AGBL1: variants seen among roughly 807,000 people sequenced by gnomAD.
AGBL1 encodes the protein AGBL carboxypeptidase 1, also known as cytosolic carboxypeptidase 4.
A neutral mutation model predicts 118.9 loss-of-function variants in AGBL1; 130 were observed. The observed-to-expected ratio is 1.09, with a 90% CI of 0.95 to 1.26. The LOEUF (loss-of-function observed/expected upper bound fraction) is 1.26, where lower values mean the gene tolerates loss of function less well. Among genes scored for constraint, AGBL1 ranks in the 50% most tolerant of loss-of-function variants. The pLI is 0.00. For synonymous variants in AGBL1, 555 were observed against 478.9 expected, an observed-to-expected ratio of 1.16 and a Z score of -2.08; for missense variants, 1,584 against 1,298.1, an observed-to-expected ratio of 1.22 and a Z score of -3.38.
chr15:86,152,716 G>A (rs965344277), intron 3 of AGBL1, among the ~76,000 whole-genome samples: 2 of 152,194 alleles, frequency 1.3e-5, no homozygotes, highest in African/African-American at 4.8e-5. Context: ...ACTACCATCA[G>A]AGTGAACAGG....
chr15:86,155,716 A>G (rs1271737726), intron 4 of AGBL1, among the ~76,000 whole-genome samples: 1 of 152,098 alleles, frequency 6.6e-6, no homozygotes, highest in Admixed American at 6.5e-5. Context: ...AGAGCCAAAA[A>G]GACCTGAGTT....
At chr15:86,404,286 C>A (rs962489645) in intron 18 of AGBL1, among the ~76,000 whole-genome samples, 2 of 152,160 alleles carry the variant, frequency 1.3e-5, no homozygotes, top group African/African-American at 4.8e-5. Flanking sequence ...TCTACCTTGA[C>A]TTTCCAGCTT....
rs762982996 is a variant in AGBL1, at chr15:86,143,808, G to A, written c.225G>A (p.Leu75=). ...CTCCTCCAGACTATGACATCCTCCT[G>A]CCTCTCTTCCGGCTGCTGGCCAAAG... The part of the protein sequence containing the change: ...RTAPPDYDIL[L]PLFRLLAKVG... Residue 75 remains leucine, a synonymous_variant, in exon 3 of 23, where the codon CTG becomes CTA. Coordinates refer to ENST00000614907, the MANE Select transcript of AGBL1 (RefSeq NM_001386094.1). 1.9e-6 allele frequency: 3 copies of A among 1,613,704 alleles called. No homozygotes were observed. Among genetic ancestry groups the A allele is most frequent in the African/African-American group, 2.7e-5 (2 of 74,912 alleles).
intron 22 of AGBL1, among the ~76,000 whole-genome samples, chr15:86,827,461 A>G (rs1346488729): frequency 1.9e-4 from 2 of 10,558 alleles, no homozygotes; most frequent in African/African-American, 8.5e-4. Context: ...ATATATATAT[A>G]TATATATACA....
At position 86,615,763 on chromosome 15, in the gene AGBL1, TA is replaced by T. The variant is rs1484715036; in HGVS notation, c.2995-58504del. On this transcript the variant is annotated intron_variant, in intron 21 of 22. Transcript: ENST00000614907. This position sits in a 1 kb window ranked among gnomAD's most constrained non-coding sequence, Gnocchi z 4.3. The stretch of plus-strand genomic sequence containing the variant: ...TGAGTTTTATATTGTGGACAGAGGT[TA>T]AAAAATAGATTTAAAAGTCAACAAC... 2.6e-5 allele frequency among the ~76,000 whole-genome samples: 4 copies of T among 152,156 alleles called. No individual in the cohort carries two copies. The highest frequency in any genetic ancestry group is 7.2e-5 in the African/African-American group (3 of 41,432).
chr15:86,818,398 T>C (rs771433520), intron 22 of AGBL1, among the ~76,000 whole-genome samples: 2 of 152,146 alleles, frequency 1.3e-5, no homozygotes, highest in South Asian at 2.1e-4. Flanking sequence ...GCAAACCCTA[T>C]TGTGAACTGC....
intron 22 of AGBL1, among the ~76,000 whole-genome samples, chr15:86,871,657 T>C (rs1205395207): frequency 2.0e-5 from 3 of 152,098 alleles, no homozygotes; most frequent in Non-Finnish European, 4.4e-5. Context: ...GTTGGATGCT[T>C]TGGTTCATCT....
intron 22 of AGBL1, among the ~76,000 whole-genome samples, chr15:86,756,144 T>C (rs2077935714): frequency 6.7e-6 from 1 of 149,742 alleles, no homozygotes; most frequent in Non-Finnish European, 1.5e-5. Context: ...AATATTAGCA[T>C]TTGATGCCAG....
chr15:86,143,345 C>T (rs191860044), intron 2 of AGBL1, among the ~76,000 whole-genome samples: 1 of 152,302 alleles, frequency 6.6e-6, no homozygotes, highest in Non-Finnish European at 1.5e-5. Flanking sequence ...CTGATATTCT[C>T]TCTTCTAAGT....
Position 86,270,009 on chromosome 15 carries a change from C to G in AGBL1, c.1929C>G (p.Ala643=). 1.9e-6 allele frequency: 3 copies of G among 1,613,492 alleles called. No individual in the cohort carries two copies. Among genetic ancestry groups the G allele is most frequent in the Non-Finnish European group, 2.5e-6 (3 of 1,179,696 alleles). ...FYFKVSGMQA[A]IPYHFNIINC... is the part of the protein sequence containing the mutation. ...TCAAAGTGAGCGGTATGCAGGCGGC[C>G]ATCCCTTACCACTTCAACATCATCA... Residue 643 remains alanine (A), a synonymous_variant, in exon 14 of 23, where the codon GCC becomes GCG. Coordinates refer to ENST00000614907, the MANE Select transcript of AGBL1 (RefSeq NM_001386094.1).
intron 22 of AGBL1, among the ~76,000 whole-genome samples, chr15:86,902,832 A>G (rs2080229717): frequency 6.6e-6 from 1 of 152,042 alleles, no homozygotes; most frequent in Non-Finnish European, 1.5e-5. Context: ...AGCTTTCAAG[A>G]TTTTAAGTTT....
intron 21 of AGBL1, among the ~76,000 whole-genome samples, chr15:86,654,174 G>A (rs570185893): frequency 2.6e-4 from 40 of 152,144 alleles, no homozygotes; most frequent in Non-Finnish European, 5.0e-4. Flanking sequence ...AGTGAAAAAG[G>A]GGTAGAAAAA....
chr15:86,104,509 G>C (rs570376925), intron 1 of AGBL1, among the ~76,000 whole-genome samples: 1 of 152,202 alleles, frequency 6.6e-6, no homozygotes, highest in Non-Finnish European at 1.5e-5. Flanking sequence ...CTTTGGCCCT[G>C]GGTGCAGCAG....
intron 22 of AGBL1, among the ~76,000 whole-genome samples, chr15:86,818,064 C>G: frequency 6.6e-6 from 1 of 151,988 alleles, no homozygotes; most frequent in East Asian, 2.0e-4. Flanking sequence ...GCTACCACCT[C>G]AAGCTATTAA....
chr15:86,836,566 T>C (rs1471131523), intron 22 of AGBL1, among the ~76,000 whole-genome samples: 1 of 151,880 alleles, frequency 6.6e-6, no homozygotes, highest in Non-Finnish European at 1.5e-5. Flanking sequence ...CTTTAAGGAG[T>C]CTAGTTATAT....
At chr15:86,893,551 CAAAG>C (rs779804564) in intron 22 of AGBL1, among the ~76,000 whole-genome samples, 6 of 151,998 alleles carry the variant, frequency 3.9e-5, no homozygotes, top group South Asian at 2.1e-4. Context: ...AAAATCAAAA[CAAAG>C]AAACTCTATC....
intron 24 of AGBL1, among the ~76,000 whole-genome samples, chr15:87,004,663 C>G (rs991001681): frequency 6.6e-6 from 1 of 152,108 alleles, no homozygotes; most frequent in Non-Finnish European, 1.5e-5. Context: ...CTGTGTCTTT[C>G]AATTGGAGCA....
intron 16 of AGBL1, among the ~76,000 whole-genome samples, chr15:86,283,319 A>G (rs1427661494): frequency 6.6e-6 from 1 of 152,200 alleles, no homozygotes; most frequent in African/African-American, 2.4e-5. Context: ...CTGAGAACTT[A>G]TAACTGTATG....
At chr15:86,175,432 GATTTT>G (rs1351965298) in intron 5 of AGBL1, among the ~76,000 whole-genome samples, 1 of 151,690 alleles carries the variant, frequency 6.6e-6, no homozygotes, top group African/African-American at 2.4e-5. Context: ...GCAGTTTATT[GATTTT>G]ATTTATTTTT....
Sources: gnomAD v4.1 joint callset for allele counts (sites outside exome capture counted in the v4.1 genomes callset) on GRCh38, gnomAD v4.1.1 for gene constraint, Gnocchi (gnomAD v3.1) non-coding constraint, MANE v1.5 for transcripts, NCBI Gene and HGNC (gene_info 2026-07-23, HGNC 2026-07-21) for gene names.